Variants in DACT2 observed in about 807,000 individuals in gnomAD.
DACT2 encodes dishevelled binding antagonist of beta catenin 2, also known as dapper homolog 2.
A neutral mutation model predicts 22.2 loss-of-function variants in DACT2; 20 were observed. The observed-to-expected ratio is 0.90, with a 90% CI of 0.63 to 1.31. DACT2 has a LOEUF of 1.31. Ranked by LOEUF, DACT2 falls within the 50% of genes most tolerant of loss-of-function variation. DACT2 has a pLI of 0.00. For synonymous variants in DACT2, 463 were observed against 479.8 expected (o/e 0.96, Z 0.46); for missense variants, 1,048 against 1,061.4 (o/e 0.99, Z 0.18).
chr6:168,302,375 C>G (rs977019504), downstream of DACT2, among the ~76,000 whole-genome samples: 1 of 152,166 alleles, frequency 6.6e-6, no homozygotes, highest in Non-Finnish European at 1.5e-5. Context: ...TTTTTGGGAC[C>G]ATTTACCCAC....
At chr6:168,316,115 G>T (rs1376275281) in intron 1 of DACT2, among the ~76,000 whole-genome samples, 4 of 152,226 alleles carry the variant, frequency 2.6e-5, no homozygotes, top group African/African-American at 9.6e-5. Context: ...AAATCTGTTT[G>T]ATCTTCTCTT....
intron 1 of DACT2, among the ~76,000 whole-genome samples, chr6:168,311,554 A>G: frequency 7.6e-6 from 1 of 131,288 alleles, no homozygotes; most frequent in Middle Eastern, 3.8e-3. Flanking sequence ...ACACACATAC[A>G]CACACTCACA....
rs371695165 is a variant in DACT2, at chr6:168,308,020, C to A, written c.1737G>T (p.Pro579=). Reference sequence around the variant, plus strand: ...GGGCTGAGGTCCGGTGGCTCTCCTGCGGGGCCACTGCCAAGGGGACGAGGA... The same window carrying A: ...GGGCTGAGGTCCGGTGGCTCTCCTGAGGGGCCACTGCCAAGGGGACGAGGA... ...MPVLVPLAVA[P]QESHRTSAQA... Residue 579 remains proline (P), a synonymous_variant, in exon 4 of 4, where the codon CCG becomes CCT. Coordinates refer to ENST00000366795, the MANE Select transcript of DACT2 (RefSeq NM_214462.5). The A allele has an allele frequency of 1.7e-5, 27 of 1,550,012 alleles. No homozygotes were observed. The highest frequency in any genetic ancestry group is 2.4e-5 in the Non-Finnish European group (27 of 1,146,242).
At chr6:168,313,810 C>G (rs750147809) in intron 1 of DACT2, among the ~76,000 whole-genome samples, 2 of 152,196 alleles carry the variant, frequency 1.3e-5, no homozygotes, top group Non-Finnish European at 2.9e-5. Flanking sequence ...TTCCCGCCCC[C>G]GTGTCTGTGC....
chr6:168,306,239 G>A (rs12333290), downstream of DACT2, among the ~76,000 whole-genome samples: 788 of 152,226 alleles, frequency 5.2e-3, 5 homozygotes, highest in African/African-American at 0.018. Flanking sequence ...GGACTTCAAC[G>A]GCCTTCTCCA....
chr6:168,303,285 A>T (rs1487967465), downstream of DACT2, among the ~76,000 whole-genome samples: 1 of 152,002 alleles, frequency 6.6e-6, no homozygotes, highest in East Asian at 1.9e-4. Context: ...CTCCACCAAA[A>T]CCTCTGCCAA....
chr6:168,304,763 C>T (rs1251431774), downstream of DACT2, among the ~76,000 whole-genome samples: 1 of 152,210 alleles, frequency 6.6e-6, no homozygotes. Flanking sequence ...GCCGACTCAG[C>T]CAGGCTATGA....
At chr6:168,303,663 A>G (rs1779150027), downstream of DACT2, among the ~76,000 whole-genome samples, 1 of 152,218 alleles carries the variant, frequency 6.6e-6, no homozygotes, top group Non-Finnish European at 1.5e-5. Context: ...GTTCTGTTAC[A>G]GCAACACAAA....
rs1160572468 is a variant in DACT2 at position 168,310,325 on chromosome 6, G to T, written c.501C>A (p.Ala167=). Residue 167 remains alanine, a synonymous_variant, in exon 3 of 4, where the codon GCC becomes GCA. Transcript: ENST00000366795. ...GCCTCCAGTCCCCCATGCTGGGCCT[G>T]GCCTTGTGGGCCTGGGCCACAGGCA... The part of the protein sequence containing the change: ...SLLPVAQAHK[A]RPSMGDWRPR... The T allele has an allele frequency of 1.3e-6, 2 of 1,551,634 alleles. No homozygotes were observed. The highest frequency in any genetic ancestry group is 8.7e-7 in the Non-Finnish European group (1 of 1,146,958).
At chr6:168,311,645 C>T (rs1028279624) in intron 1 of DACT2, among the ~76,000 whole-genome samples, 1 of 148,836 alleles carries the variant, frequency 6.7e-6, no homozygotes, top group African/African-American at 2.6e-5. Context: ...CACACACACA[C>T]TCACACACAC....
rs10945499 is a variant in DACT2, at chr6:168,308,071, A to G, written c.1686T>C (p.Ser562=). 614,803 of 1,544,832 alleles carry G rather than the reference A, an allele frequency of 0.4. 128,445 individuals are homozygous for G. Among genetic ancestry groups the G allele is most frequent in the African/African-American group, 0.75 (54,560 of 72,930 alleles). ...LAWEAPGRSC[S]ESTLYPMPVL... is the part of the protein sequence containing the mutation. ...CAGGCATGGGGTAGAGGGTGGACTC[A>G]GAACAGGAGCGCCCGGGTGCCTCCC... is the stretch of plus-strand genomic sequence containing the variant. Residue 562 remains serine, a synonymous_variant, in exon 4 of 4, where the codon TCT becomes TCC. Coordinates refer to ENST00000366795, the MANE Select transcript of DACT2 (RefSeq NM_214462.5).
At chr6:168,315,929 C>T (rs1361804668) in intron 1 of DACT2, among the ~76,000 whole-genome samples, 3 of 152,166 alleles carry the variant, frequency 2.0e-5, no homozygotes, top group Non-Finnish European at 1.5e-5. Flanking sequence ...TGCTATCACT[C>T]CTAATGTTTT....
At chr6:168,295,859 C>G (rs947297829) in intron 3 of DACT2, among the ~76,000 whole-genome samples, 2 of 152,246 alleles carry the variant, frequency 1.3e-5, no homozygotes, top group African/African-American at 4.8e-5. Flanking sequence ...TTATTTGTCA[C>G]TGGAGGATGA....
intron 3 of DACT2, among the ~76,000 whole-genome samples, chr6:168,297,689 G>A (rs1442428777): frequency 6.6e-6 from 1 of 152,218 alleles, no homozygotes; most frequent in East Asian, 1.9e-4. Flanking sequence ...CAGCTACCTG[G>A]GAGAGACATG....
chr6:168,309,499 A>G (rs1430087031), intron 3 of DACT2, among the ~76,000 whole-genome samples: 1 of 62,576 alleles, frequency 1.6e-5, no homozygotes, highest in Non-Finnish European at 3.1e-5. Context: ...CGGCCCCCTC[A>G]GCCTGTTCTG....
chr6:168,306,847 G>A (rs899737519), downstream of DACT2: 4 of 975,414 alleles, frequency 4.1e-6, no homozygotes, highest in Non-Finnish European at 4.9e-6. Context: ...TGATGGGCAG[G>A]CATGATGATT....
chr6:168,319,558 A>G lies in DACT2; in HGVS notation c.76T>C (p.Phe26Leu). 1 of 1,374,472 alleles carries G rather than the reference A, an allele frequency of 7.3e-7. No homozygotes were observed. The highest frequency in any genetic ancestry group is 9.5e-7 in the Non-Finnish European group (1 of 1,055,782). 85.1% of individuals were successfully genotyped at this position (1,374,472 alleles called of 1,614,324 possible). ...CCCTGCAGCTCCTGCAGCCCCGCGA[A>G]CGCCGCGCGCAACCTCGCGCCCAAC... is the stretch of plus-strand genomic sequence containing the variant. ...RRLGARLRAAFAGLQELQGLR... is the reference protein window; with the variant it reads ...RRLGARLRAALAGLQELQGLR... The change falls in exon 1 of 4, where the codon TTC (phenylalanine) becomes CTC (leucine). Residue 26 changes from phenylalanine (F) to leucine (L), a missense_variant. Transcript: ENST00000366795.
chr6:168,304,679 C>T (rs987345438), downstream of DACT2, among the ~76,000 whole-genome samples: 2 of 152,224 alleles, frequency 1.3e-5, no homozygotes, highest in Admixed American at 6.5e-5. Context: ...GATGTGGGTC[C>T]CATTTTCAAA....
In DACT2 at chr6:168,309,029, C is replaced by T; in HGVS notation, c.728G>A (p.Gly243Glu). Residue 243 changes from glycine to glutamate, a missense_variant, in exon 4 of 4, where the codon GGG becomes GAG. Transcript: ENST00000366795. ...QKASADAELLGLLCQGVDIPL... is the reference protein window; with the variant it reads ...QKASADAELLELLCQGVDIPL... ...GATATCCACCCCCTGGCAGAGGAGC[C>T]CGAGGAGCTCGGCGTCCGCGCTGGC... 6.5e-7 allele frequency: 1 copy of T among 1,546,246 alleles called. No individual in the cohort carries two copies. The highest frequency in any genetic ancestry group is 8.7e-7 in the Non-Finnish European group (1 of 1,146,650).
Sources: gnomAD v4.1 joint callset for allele counts (sites outside exome capture counted in the v4.1 genomes callset) on GRCh38, gnomAD v4.1.1 for gene constraint, MANE v1.5 for transcripts, NCBI Gene and HGNC (gene_info 2026-07-23, HGNC 2026-07-21) for gene names.